STT3B: variants seen among roughly 807,000 people sequenced by gnomAD.
STT3B encodes STT3 oligosaccharyltransferase complex catalytic subunit B.
A neutral mutation model predicts 96.8 loss-of-function variants in STT3B; 29 were observed. The observed-to-expected ratio is 0.30, with a 90% confidence interval of 0.22 to 0.41. STT3B has a LOEUF of 0.41. Ranked by LOEUF, STT3B falls within the 10% of genes least tolerant of loss-of-function variation. The pLI is 1.00. For missense variants in STT3B, 640 were observed against 1,022.3 expected, an observed-to-expected ratio of 0.63 and a Z score of 5.10; for synonymous variants, 367 against 360.0, an observed-to-expected ratio of 1.02 and a Z score of -0.22.
At chr3:31,570,524 G>A (rs55968202) in intron 1 of STT3B, among the ~76,000 whole-genome samples, 4,653 of 152,236 alleles carry the variant, frequency 0.031, 251 homozygotes, top group African/African-American at 0.11. Flanking sequence ...TGTAGACAGA[G>A]CCAAGGGCTG....
intron 1 of STT3B, among the ~76,000 whole-genome samples, chr3:31,548,676 T>G (rs1399075649): frequency 3.3e-5 from 5 of 152,192 alleles, no homozygotes; most frequent in African/African-American, 1.2e-4. Flanking sequence ...TTCTCTTCTT[T>G]CTCTGCTCCG....
chr3:31,558,599 C>T (rs1697780474), intron 1 of STT3B, among the ~76,000 whole-genome samples: 1 of 152,084 alleles, frequency 6.6e-6, no homozygotes, highest in South Asian at 2.1e-4. Flanking sequence ...AGAAATTTTG[C>T]ATCTGTGTTC....
intron 5 of STT3B, among the ~76,000 whole-genome samples, chr3:31,614,021 G>A (rs1699246602): frequency 1.3e-5 from 2 of 151,944 alleles, no homozygotes; most frequent in African/African-American, 4.8e-5. Flanking sequence ...TATAGATTGT[G>A]AGGCAACTTA....
At chr3:31,575,845 A>G (rs1181685560) in intron 1 of STT3B, among the ~76,000 whole-genome samples, 3 of 151,834 alleles carry the variant, frequency 2.0e-5, no homozygotes, top group Non-Finnish European at 4.4e-5. Context: ...ATTGCCCTCT[A>G]TGGTTTGTGG....
rs776421911 is a variant in STT3B, at chr3:31,617,926, T to A, written c.1124-14T>A. The A allele has an allele frequency of 6.3e-7, 1 of 1,587,518 alleles. No individual in the cohort carries two copies. On this transcript the variant is annotated splice_polypyrimidine_tract_variant and intron_variant, in intron 7 of 15. Transcript: ENST00000295770. ...AAAAGGCAGATTAATTTCATCCATG[T>A]TTTTCCTTCCAAGGTTACATTGCAC...
chr3:31,539,541 T>C (rs529731410), intron 1 of STT3B, among the ~76,000 whole-genome samples: 4 of 152,232 alleles, frequency 2.6e-5, no homozygotes, highest in Admixed American at 2.6e-4. Context: ...AATAAAAGTG[T>C]CCTCTGTTTA....
In STT3B at chr3:31,615,948, C is replaced by A. The variant is rs1025452862; in HGVS notation, c.976+745C>A. 3.4e-5 allele frequency among the ~76,000 whole-genome samples: 5 copies of A among 148,846 alleles called. No individual in the cohort carries two copies. In the East Asian group the frequency reaches 9.7e-4, roughly 29 times the overall value. On this transcript the variant is annotated intron_variant, in intron 6 of 15. Coordinates refer to ENST00000295770, the MANE Select transcript of STT3B (RefSeq NM_178862.3). ...TTGAGAATCCGTTTTTGCGACTACT[C>A]CTTTAGTTTTGTATATCTTAGCACT...
At chr3:31,604,644 C>T (rs1699007763) in intron 5 of STT3B, among the ~76,000 whole-genome samples, 1 of 152,088 alleles carries the variant, frequency 6.6e-6, no homozygotes, top group African/African-American at 2.4e-5. Flanking sequence ...GTATATTATA[C>T]AGTGTAATCA....
intron 1 of STT3B, among the ~76,000 whole-genome samples, chr3:31,556,379 C>T (rs1303307124): frequency 6.6e-6 from 1 of 152,120 alleles, no homozygotes. Context: ...GCACGTGTCC[C>T]TTTGATGTAC....
intron 3 of STT3B, among the ~76,000 whole-genome samples, chr3:31,595,962 T>C (rs962746396): frequency 1.3e-5 from 2 of 152,224 alleles, no homozygotes; most frequent in Non-Finnish European, 2.9e-5. Context: ...TACTCAGTGT[T>C]TATACTCACC....
chr3:31,624,128 C>T (rs373803865), intron 11 of STT3B, among the ~76,000 whole-genome samples: 5 of 151,982 alleles, frequency 3.3e-5, no homozygotes, highest in South Asian at 2.1e-4. Context: ...CAGTTACAAA[C>T]GATCAAGTTA....
chr3:31,590,186 A>G (rs1698636631), intron 3 of STT3B, among the ~76,000 whole-genome samples: 1 of 151,816 alleles, frequency 6.6e-6, no homozygotes, highest in South Asian at 2.1e-4. Flanking sequence ...TAGTGATGTC[A>G]CCTTCCTTAT....
intron 1 of STT3B, among the ~76,000 whole-genome samples, chr3:31,536,963 C>G (rs1416034165): frequency 1.3e-5 from 2 of 152,200 alleles, no homozygotes; most frequent in Non-Finnish European, 2.9e-5. Flanking sequence ...ATTGTGGTAG[C>G]CTTTCCCATA....
rs1258715301 is a variant in STT3B, at chr3:31,533,141, C to T, written c.143C>T (p.Ala48Val). ...TGCGCGCACAAGGCGGCGGGCGGCG[C>T]GGCGCCGCCGAAGCCGGCCCCGGCG... ...AQCAHKAAGG[A>V]APPKPAPAGL... The change falls in exon 1 of 16, where the codon GCG (alanine) becomes GTG (valine). Residue 48 changes from alanine (A) to valine (V), a missense_variant. By Grantham distance (64) the Ala-to-Val change is moderately conservative (BLOSUM62 0). This residue lies in a region of STT3B where 89 missense variants were observed against 81.7 expected (regional missense o/e 1.09). Coordinates refer to ENST00000295770, the MANE Select transcript of STT3B (RefSeq NM_178862.3). 49 of 1,294,312 alleles carry T rather than the reference C, an allele frequency of 3.8e-5. No individual in the cohort carries two copies. Among genetic ancestry groups the T allele is most frequent in the Non-Finnish European group, 4.7e-5 (48 of 1,021,834 alleles). The allele number at this position is 1,294,312 out of a possible 1,614,324, so 80.2% of individuals were successfully genotyped here. A position where few individuals can be genotyped will look rare whatever the true frequency, so the allele number is the denominator to read the frequency against.
intron 1 of STT3B, among the ~76,000 whole-genome samples, chr3:31,571,522 C>T (rs1698136212): frequency 6.6e-6 from 1 of 152,150 alleles, no homozygotes; most frequent in South Asian, 2.1e-4. Context: ...TGTTTTATAT[C>T]ATATGACCCT....
intron 1 of STT3B, among the ~76,000 whole-genome samples, chr3:31,564,649 C>G (rs970674368): frequency 2.0e-5 from 3 of 152,124 alleles, no homozygotes; most frequent in Non-Finnish European, 4.4e-5. Flanking sequence ...TTTCTTTTCT[C>G]AAGGACCTTC....
chr3:31,600,261 C>G (rs1386234172), intron 4 of STT3B, 99 bp from the exon 5 acceptor site: 1 of 477,340 alleles, frequency 2.1e-6, no homozygotes, highest in Non-Finnish European at 3.6e-6. Context: ...TTGCTAAAAT[C>G]TTAATGTTTA....
At chr3:31,631,454 G>A (rs959057163) in intron 14 of STT3B, among the ~76,000 whole-genome samples, 7 of 152,156 alleles carry the variant, frequency 4.6e-5, no homozygotes, top group African/African-American at 1.4e-4. Flanking sequence ...TACTGATCAC[G>A]TTGAAGGACC....
chr3:31,577,194 A>C (rs1237626680), intron 2 of STT3B, among the ~76,000 whole-genome samples: 2 of 151,942 alleles, frequency 1.3e-5, no homozygotes, highest in Non-Finnish European at 2.9e-5. Context: ...TTTGTTTTGC[A>C]TTTTTTAAAT....
Sources: allele counts gnomAD v4.1 joint callset (sites outside exome capture counted in the v4.1 genomes callset), GRCh38; gene constraint gnomAD v4.1.1; regional missense constraint gnomAD v4.1.1; transcripts MANE v1.5; gene names NCBI Gene and HGNC (gene_info 2026-07-23, HGNC 2026-07-21).